KIAA1328: variants seen among roughly 807,000 people sequenced by gnomAD.
KIAA1328 encodes KIAA1328, also known as protein hinderin.
In KIAA1328, 52 loss-of-function variants were observed where a neutral mutation model predicts 68.1. That is an observed-to-expected ratio of 0.76 (90% CI 0.61 to 0.96). The LOEUF is 0.96. Among genes scored for constraint, KIAA1328 ranks in the 40% least tolerant of loss-of-function variants. The pLI is 0.00. For synonymous variants in KIAA1328, 232 were observed against 239.4 expected, an observed-to-expected ratio of 0.97 and a Z score of 0.28; for missense variants, 641 against 677.6, an observed-to-expected ratio of 0.95 and a Z score of 0.60.
downstream of KIAA1328, among the ~76,000 whole-genome samples, chr18:37,226,185 C>T (rs1166594698): frequency 6.6e-6 from 1 of 152,166 alleles, no homozygotes; most frequent in Non-Finnish European, 1.5e-5. Context: ...CTGGCTTTCA[C>T]CCAAGCCCAG....
At chr18:36,870,967 T>A (rs1004703173) in intron 4 of KIAA1328, among the ~76,000 whole-genome samples, 4 of 152,200 alleles carry the variant, frequency 2.6e-5, no homozygotes, top group African/African-American at 9.7e-5. Context: ...TCCACCAAGC[T>A]GAAATCGTCT....
At chr18:37,130,598 C>T (rs1307567754) in intron 7 of KIAA1328, among the ~76,000 whole-genome samples, 1 of 151,536 alleles carries the variant, frequency 6.6e-6, no homozygotes, top group Non-Finnish European at 1.5e-5. Flanking sequence ...AGCCTGGAGA[C>T]AGAGTGAGAC....
intron 4 of KIAA1328, among the ~76,000 whole-genome samples, chr18:36,844,556 G>A (rs924742224): frequency 1.3e-5 from 2 of 151,914 alleles, no homozygotes; most frequent in Non-Finnish European, 2.9e-5. Flanking sequence ...AATATTTGTA[G>A]CGGTCATCTA....
intron 5 of KIAA1328, among the ~76,000 whole-genome samples, chr18:36,890,355 A>G (rs1310973013): frequency 6.6e-6 from 1 of 152,002 alleles, no homozygotes; most frequent in Non-Finnish European, 1.5e-5. Context: ...AAAATGGCAG[A>G]AAAAGAAGTT....
chr18:36,992,468 T>C (rs1394230057), intron 6 of KIAA1328, among the ~76,000 whole-genome samples: 1 of 144,602 alleles, frequency 6.9e-6, no homozygotes, highest in Non-Finnish European at 1.5e-5. Context: ...TTTTTTTTTT[T>C]TTTTTTTTGC....
intron 3 of KIAA1328, among the ~76,000 whole-genome samples, chr18:36,838,978 C>T (rs2046770203): frequency 6.6e-6 from 1 of 152,156 alleles, no homozygotes; most frequent in Non-Finnish European, 1.5e-5. Flanking sequence ...CATTATCTGC[C>T]CGCCTCGGCC....
chr18:36,871,504 A>T (rs1349400024), intron 4 of KIAA1328, among the ~76,000 whole-genome samples: 1 of 152,144 alleles, frequency 6.6e-6, no homozygotes. Context: ...TATTGATTAT[A>T]ATCTAATATT....
At chr18:36,835,870 A>C (rs545575731) in intron 3 of KIAA1328, among the ~76,000 whole-genome samples, 188 of 152,274 alleles carry the variant, frequency 1.2e-3, no homozygotes, top group Middle Eastern at 6.8e-3. Context: ...CTGCAACCAG[A>C]GTTGTTCAAT....
Position 37,203,814 on chromosome 18 carries a change from T to C in KIAA1328, c.1524-18203T>C, listed in dbSNP as rs1302027014. On this transcript the variant is annotated intron_variant, in intron 9 of 9. Transcript: ENST00000280020. ...GCTACCTACCTAGAACCCAGATTCT[T>C]TTTTTTTTTTTTTGAGACGGAGTCT... Among the ~76,000 whole-genome samples, 4 of 148,198 alleles carry C rather than the reference T, an allele frequency of 2.7e-5. No homozygotes were observed. In the East Asian group the frequency reaches 5.9e-4, roughly 22 times the overall value.
At chr18:37,204,763 A>T (rs2060184678) in intron 9 of KIAA1328, among the ~76,000 whole-genome samples, 1 of 8,812 alleles carries the variant, frequency 1.1e-4, no homozygotes, top group Non-Finnish European at 2.1e-4. Context: ...AGTTTCAGTC[A>T]AAAAAAAAAA....
intron 5 of KIAA1328, among the ~76,000 whole-genome samples, chr18:36,932,174 A>AT (rs1251412384): frequency 6.6e-6 from 1 of 152,234 alleles, no homozygotes; most frequent in East Asian, 1.9e-4. Flanking sequence ...CTCAGTGATC[A>AT]TAAACGTTTC....
At chr18:37,040,778 T>A (rs565424666) in intron 6 of KIAA1328, among the ~76,000 whole-genome samples, 49 of 151,956 alleles carry the variant, frequency 3.2e-4, no homozygotes, top group African/African-American at 1.1e-3. Flanking sequence ...GTGAAAATAT[T>A]TTCTTCCTTC....
intron 5 of KIAA1328, among the ~76,000 whole-genome samples, chr18:36,908,864 A>G (rs1000850315): frequency 7.9e-5 from 12 of 152,190 alleles, no homozygotes; most frequent in African/African-American, 2.7e-4. Context: ...AATGTACAGC[A>G]TTATGAAATG....
chr18:37,172,409 G>A (rs1392319393), intron 8 of KIAA1328, among the ~76,000 whole-genome samples: 2 of 152,188 alleles, frequency 1.3e-5, no homozygotes, highest in East Asian at 3.8e-4. Context: ...GAAAGGAATT[G>A]AGGCCAAGTC....
intron 4 of KIAA1328, among the ~76,000 whole-genome samples, chr18:36,844,935 C>G (rs1396204312): frequency 6.6e-6 from 1 of 151,562 alleles, no homozygotes; most frequent in African/African-American, 2.4e-5. Flanking sequence ...ACGGAGAGAC[C>G]ATACCTAAAA....
rs748468264 is a variant in KIAA1328, at chr18:36,880,567, GT to G, written c.333-4988del. 1.5e-4 allele frequency among the ~76,000 whole-genome samples: 23 copies of G among 152,214 alleles called. No individual in the cohort carries two copies. The East Asian group carries it at 3.3e-3, about 22-fold the overall frequency. On this transcript the variant is annotated intron_variant, in intron 4 of 9. Transcript: ENST00000280020. The stretch of plus-strand genomic sequence containing the variant: ...GTCTGTAGGCATTTTATTTTCTTGT[GT>G]TATTGCACTGGCTATGACGTCCAGT...
chr18:36,988,574 T>A (rs538987176), intron 6 of KIAA1328, among the ~76,000 whole-genome samples: 19 of 152,338 alleles, frequency 1.2e-4, no homozygotes, highest in Middle Eastern at 6.8e-3. Flanking sequence ...TCTTAAGCCA[T>A]GCTTGGGAAT....
intron 7 of KIAA1328, among the ~76,000 whole-genome samples, chr18:37,117,876 TA>T (rs58489772): frequency 0.023 from 2,939 of 126,558 alleles, 38 homozygotes; most frequent in Middle Eastern, 0.031. Flanking sequence ...GTAGTTGGTT[TA>T]AAAAAAAAAA....
In KIAA1328 at chr18:37,066,982, C is replaced by A. The variant is rs1200661773; in HGVS notation, c.669C>A (p.Thr223=). ...CCAGACCACAGACCTACTATCAAAC[C>A]AAGCAAAGACCTAAGTCTGCAGTCC... ...SIARPQTYYQ[T]KQRPKSAVQD... is the part of the protein sequence containing the mutation. Residue 223 remains threonine, a synonymous_variant, in exon 7 of 10, where the codon ACC becomes ACA. Transcript: ENST00000280020. 3 of 1,613,544 alleles carry A rather than the reference C, an allele frequency of 1.9e-6. No individual in the cohort carries two copies. In the East Asian group the frequency reaches 6.7e-5, roughly 36 times the overall value.
Sources: allele counts gnomAD v4.1 joint callset (sites outside exome capture counted in the v4.1 genomes callset), GRCh38; gene constraint gnomAD v4.1.1; transcripts MANE v1.5; gene names NCBI Gene and HGNC (gene_info 2026-07-23, HGNC 2026-07-21).